Variants in AUTS2 observed in about 807,000 individuals in gnomAD.
AUTS2 encodes activator of transcription and developmental regulator AUTS2, also known as autism susceptibility gene 2 protein.
In AUTS2, 17 loss-of-function variants were observed where a neutral mutation model predicts 112.4. The ratio of observed to expected loss-of-function variants is 0.15; its 90% CI spans 0.10 to 0.23. The LOEUF (loss-of-function observed/expected upper bound fraction) is 0.23. Ranked by LOEUF, AUTS2 falls within the 10% of genes least tolerant of loss-of-function variation. The pLI is 1.00. For missense variants in AUTS2, 1,510 were observed against 1,701.6 expected (o/e 0.89, Z 1.98); for synonymous variants, 751 against 702.7 (o/e 1.07, Z -1.09).
intron 1 of AUTS2, among the ~76,000 whole-genome samples, chr7:69,813,741 C>T (rs1380392259): frequency 1.3e-5 from 2 of 152,176 alleles, no homozygotes; most frequent in African/African-American, 4.8e-5. Context: ...GTGTAATTCT[C>T]AAGTACCAGC....
chr7:70,190,984 T>C (rs2129582962), intron 4 of AUTS2, among the ~76,000 whole-genome samples: 1 of 152,210 alleles, frequency 6.6e-6, no homozygotes, highest in East Asian at 1.9e-4. Flanking sequence ...CTGTAGGTAA[T>C]AGACCCTGAG....
chr7:70,364,348 G>T (rs1297185242), intron 4 of AUTS2, among the ~76,000 whole-genome samples: 5 of 151,970 alleles, frequency 3.3e-5, no homozygotes, highest in African/African-American at 1.2e-4. Flanking sequence ...CAGATCACGA[G>T]GTCAGGAGAT....
At chr7:70,545,940 A>G (rs142851764) in intron 5 of AUTS2, among the ~76,000 whole-genome samples, 179 of 152,346 alleles carry the variant, frequency 1.2e-3, no homozygotes, top group African/African-American at 4.1e-3. Context: ...ATGGTTGCAC[A>G]GGAGTTAATT....
intron 2 of AUTS2, among the ~76,000 whole-genome samples, chr7:69,906,963 T>G (rs977119570): frequency 6.6e-6 from 1 of 152,028 alleles, no homozygotes; most frequent in Non-Finnish European, 1.5e-5. Flanking sequence ...AAAAATTAGC[T>G]GGGCATGGTG....
At chr7:70,629,910 A>G (rs1045660743) in intron 5 of AUTS2, among the ~76,000 whole-genome samples, 2 of 152,208 alleles carry the variant, frequency 1.3e-5, no homozygotes, top group Non-Finnish European at 2.9e-5. Context: ...GATTTATACC[A>G]TAAATATTGG....
intron 5 of AUTS2, among the ~76,000 whole-genome samples, chr7:70,604,296 C>T (rs920647801): frequency 9.2e-5 from 14 of 152,130 alleles, no homozygotes; most frequent in African/African-American, 2.7e-4. Flanking sequence ...TGGGGTGGGC[C>T]GAGAGCAAAG....
At chr7:70,536,410 C>T (rs1016702785) in intron 5 of AUTS2, among the ~76,000 whole-genome samples, 1 of 151,864 alleles carries the variant, frequency 6.6e-6, no homozygotes, top group African/African-American at 2.4e-5. Context: ...TATGGGAGCC[C>T]AAGTAGCCCA....
chr7:69,958,551 C>G (rs1031706020), intron 2 of AUTS2, among the ~76,000 whole-genome samples: 1 of 152,068 alleles, frequency 6.6e-6, no homozygotes, highest in African/African-American at 2.4e-5. Flanking sequence ...CTTCTTAGGT[C>G]TCTACACAAA....
At chr7:70,297,627 G>C (rs915322864) in intron 4 of AUTS2, among the ~76,000 whole-genome samples, 1 of 151,578 alleles carries the variant, frequency 6.6e-6, no homozygotes, top group Non-Finnish European at 1.5e-5. Context: ...GTAGAGATGG[G>C]GTTTCACCGT....
intron 4 of AUTS2, among the ~76,000 whole-genome samples, chr7:70,204,590 G>A (rs1696975287): frequency 6.6e-6 from 1 of 152,102 alleles, no homozygotes; most frequent in Admixed American, 6.5e-5. Flanking sequence ...TTTGTAGTTA[G>A]TTAAGGAAAT....
At chr7:70,506,634 A>G (rs1798973448) in intron 5 of AUTS2, among the ~76,000 whole-genome samples, 1 of 152,170 alleles carries the variant, frequency 6.6e-6, no homozygotes, top group Admixed American at 6.5e-5. Flanking sequence ...CTCCGCGCCC[A>G]GCGTAAAGGT....
chr7:70,226,064 G>A (rs765747679), intron 4 of AUTS2, among the ~76,000 whole-genome samples: 4 of 152,186 alleles, frequency 2.6e-5, no homozygotes, highest in Non-Finnish European at 4.4e-5. Context: ...AATTGAACAT[G>A]TAAATGTCTA....
At chr7:69,873,418 C>CTT (rs36005575) in intron 1 of AUTS2, among the ~76,000 whole-genome samples, 18 of 125,476 alleles carry the variant, frequency 1.4e-4, no homozygotes, top group East Asian at 1.4e-3. Context: ...GGGGCTCAGG[C>CTT]TTTTTTTTTT....
At chr7:70,017,302 A>G (rs1163693432) in intron 2 of AUTS2, among the ~76,000 whole-genome samples, 5 of 152,148 alleles carry the variant, frequency 3.3e-5, no homozygotes, top group Admixed American at 3.3e-4. Context: ...AATGGGAGGG[A>G]GGGAGATTAT....
At chr7:70,318,724 A>G (rs1269368281) in intron 4 of AUTS2, among the ~76,000 whole-genome samples, 1 of 152,172 alleles carries the variant, frequency 6.6e-6, no homozygotes, top group Admixed American at 6.5e-5. Context: ...GAGGAGGCAG[A>G]GGAGGGTTCC....
intron 1 of AUTS2, among the ~76,000 whole-genome samples, chr7:69,673,651 T>C (rs559614445): frequency 1.3e-5 from 2 of 152,344 alleles, no homozygotes; most frequent in African/African-American, 2.4e-5. Flanking sequence ...AATCAGGCTA[T>C]ATTTGTGTTT....
intron 5 of AUTS2, among the ~76,000 whole-genome samples, chr7:70,672,362 G>A (rs907791249): frequency 2.6e-5 from 4 of 152,308 alleles, no homozygotes; most frequent in African/African-American, 9.6e-5. Context: ...AGAAACAAGA[G>A]AATAATAATA....
chr7:69,911,136 A>C (rs979683521), intron 2 of AUTS2, among the ~76,000 whole-genome samples: 2 of 152,230 alleles, frequency 1.3e-5, no homozygotes, highest in African/African-American at 4.8e-5. Context: ...GCCACTGCTC[A>C]CAGCCAGGCA....
intron 2 of AUTS2, among the ~76,000 whole-genome samples, chr7:69,929,944 T>C (rs1796166261): frequency 6.6e-6 from 1 of 152,236 alleles, no homozygotes; most frequent in Admixed American, 6.5e-5. Context: ...GGTATTTCTA[T>C]AAGTCGCCTT....
Sources: allele counts gnomAD v4.1 joint callset (sites outside exome capture counted in the v4.1 genomes callset), GRCh38; gene constraint gnomAD v4.1.1; transcripts MANE v1.5; gene names NCBI Gene and HGNC (gene_info 2026-07-23, HGNC 2026-07-21).